The following CA10 variants were observed in gnomAD, a reference collection of about 807,000 sequenced individuals.
CA10 encodes the protein carbonic anhydrase 10 (inactive).
A neutral mutation model predicts 44.2 loss-of-function variants in CA10; 14 were observed. The ratio of observed to expected loss-of-function variants is 0.32; its 90% CI spans 0.21 to 0.50. CA10 has a LOEUF of 0.50. Among genes scored for constraint, CA10 ranks in the 20% least tolerant of loss-of-function variants. The pLI, the probability that CA10 is intolerant of heterozygous loss-of-function variation, is 0.99. For missense variants in CA10, 350 were observed against 409.7 expected (o/e 0.85, Z 1.26); for synonymous variants, 159 against 141.6 (o/e 1.12, Z -0.87).
chr17:52,008,312 A>C (rs939108459), intron 2 of CA10, among the ~76,000 whole-genome samples: 1 of 151,890 alleles, frequency 6.6e-6, no homozygotes, highest in African/African-American at 2.4e-5. Context: ...GAGGAAACTG[A>C]AAGTAAATTT....
intron 2 of CA10, among the ~76,000 whole-genome samples, chr17:51,946,624 T>C (rs143516090): frequency 2.0e-5 from 3 of 152,138 alleles, no homozygotes; most frequent in African/African-American, 7.2e-5. Flanking sequence ...GCATGCCTAC[T>C]CATTCAAATC....
At chr17:51,859,160 A>G (rs75322844) in intron 3 of CA10, among the ~76,000 whole-genome samples, 425 of 152,282 alleles carry the variant, frequency 2.8e-3, no homozygotes, top group Non-Finnish European at 4.0e-3. Flanking sequence ...TCTCTTCTAC[A>G]TCAGGGCAGA....
At chr17:52,142,073 C>T (rs1248484790) in intron 1 of CA10, among the ~76,000 whole-genome samples, 1 of 152,134 alleles carries the variant, frequency 6.6e-6, no homozygotes, top group Non-Finnish European at 1.5e-5. Context: ...TATGAGTAAG[C>T]CATGTAGGAT....
intron 4 of CA10, among the ~76,000 whole-genome samples, chr17:51,700,126 C>G (rs1915543001): frequency 6.6e-6 from 1 of 152,056 alleles, no homozygotes; most frequent in Admixed American, 6.6e-5. Flanking sequence ...ACTGGGAATC[C>G]CAGCTCTGCC....
In CA10 at chr17:51,884,416, G is replaced by A. The variant is rs77879207; in HGVS notation, c.279+46574C>T. Among the ~76,000 whole-genome samples the A allele has an allele frequency of 2.9e-4, 44 of 152,236 alleles. No homozygotes were observed. The East Asian group carries it at 5.0e-3, about 17-fold the overall frequency. On this transcript the variant is annotated intron_variant, in intron 3 of 8. Coordinates refer to ENST00000451037, the MANE Select transcript of CA10 (RefSeq NM_020178.5). ...CCAGCCTCCAAGCTTTCTCTAGAAC[G>A]GGTTGTCTTGAGATCTTTGCATCTG...
At chr17:52,015,927 T>C (rs1039332349) in intron 2 of CA10, among the ~76,000 whole-genome samples, 13 of 151,980 alleles carry the variant, frequency 8.6e-5, no homozygotes, top group African/African-American at 1.2e-4. Flanking sequence ...GGGAGGATCA[T>C]TTTTAGAATG....
intron 3 of CA10, among the ~76,000 whole-genome samples, chr17:51,849,215 ATATACATATATGTGTGTG>A (rs1978661778): frequency 1.1e-4 from 6 of 52,996 alleles, no homozygotes; most frequent in Admixed American, 5.9e-4. Flanking sequence ...GTATATATAT[ATATACATATATGTGTGTG>A]TATATATATA....
chr17:52,102,048 T>C (rs73987417), intron 1 of CA10, among the ~76,000 whole-genome samples: 291 of 152,302 alleles, frequency 1.9e-3, no homozygotes, highest in African/African-American at 6.7e-3. Context: ...ACATTGTTGC[T>C]CTCCAAAGTC....
chr17:51,800,873 T>A (rs1401975659), intron 3 of CA10, among the ~76,000 whole-genome samples: 2 of 152,280 alleles, frequency 1.3e-5, no homozygotes, highest in African/African-American at 4.8e-5. Flanking sequence ...TTTGGGGGTA[T>A]CCACCTTTGA....
chr17:51,830,154 G>A (rs760955553), intron 3 of CA10, among the ~76,000 whole-genome samples: 9 of 135,306 alleles, frequency 6.7e-5, no homozygotes, highest in Non-Finnish European at 1.1e-4. Flanking sequence ...CTGAGATTGC[G>A]CCACTGTACT....
Position 52,067,411 on chromosome 17 carries a change from C to T in CA10, c.136+4908G>A, listed in dbSNP as rs114873743. ...GAACCTCTGCCCAGATTTTGGATGA[C>T]GTAGGGAAACACCTGAATGTCCAGG... On this transcript the variant is annotated intron_variant, in intron 2 of 8. Coordinates refer to ENST00000451037, the MANE Select transcript of CA10 (RefSeq NM_020178.5). Among the ~76,000 whole-genome samples the T allele has an allele frequency of 9.2e-3, 1,407 of 152,348 alleles. 23 individuals are homozygous for T. Among genetic ancestry groups the T allele is most frequent in the African/African-American group, 0.031 (1,301 of 41,580 alleles).
At chr17:51,875,839 T>G (rs1356632845) in intron 3 of CA10, among the ~76,000 whole-genome samples, 2 of 152,202 alleles carry the variant, frequency 1.3e-5, no homozygotes, top group Non-Finnish European at 2.9e-5. Flanking sequence ...CTGACACTTC[T>G]TACTCCTGGA....
intron 1 of CA10, among the ~76,000 whole-genome samples, chr17:52,106,586 T>C (rs1001664268): frequency 2.0e-5 from 3 of 152,070 alleles, no homozygotes; most frequent in African/African-American, 4.8e-5. Context: ...GCCCTGACAA[T>C]GATGGAATAG....
intron 1 of CA10, among the ~76,000 whole-genome samples, chr17:52,083,658 G>C (rs1292152951): frequency 1.3e-5 from 2 of 151,212 alleles, no homozygotes; most frequent in Admixed American, 6.6e-5. Context: ...ATAAGTATTT[G>C]TGATATTTGA....
At chr17:52,014,183 A>T (rs1056361257) in intron 2 of CA10, among the ~76,000 whole-genome samples, 6 of 151,962 alleles carry the variant, frequency 3.9e-5, no homozygotes, top group Non-Finnish European at 8.8e-5. Flanking sequence ...AAAAATTATA[A>T]ATTCTTATGA....
intron 2 of CA10, among the ~76,000 whole-genome samples, chr17:52,030,742 A>G (rs2144172397): frequency 6.6e-6 from 1 of 152,254 alleles, no homozygotes; most frequent in East Asian, 1.9e-4. Flanking sequence ...AAATGTGTCA[A>G]TCTATCTGCT....
chr17:51,691,857 T>G (rs1469674236), intron 4 of CA10, among the ~76,000 whole-genome samples: 1 of 152,318 alleles, frequency 6.6e-6, no homozygotes, highest in East Asian at 1.9e-4. Context: ...CTTGACACCT[T>G]TGTCACCCTT....
intron 2 of CA10, among the ~76,000 whole-genome samples, chr17:52,027,114 G>T (rs1567707937): frequency 6.6e-6 from 1 of 152,032 alleles, no homozygotes; most frequent in Non-Finnish European, 1.5e-5. Flanking sequence ...GATAGTGACA[G>T]GTCATCAGGC....
At chr17:51,893,911 CA>C (rs985081439) in intron 3 of CA10, among the ~76,000 whole-genome samples, 4 of 152,008 alleles carry the variant, frequency 2.6e-5, no homozygotes, top group African/African-American at 9.7e-5. Flanking sequence ...TTACAATTTA[CA>C]AAAACACATA....
Sources: gnomAD v4.1 joint callset for allele counts (sites outside exome capture counted in the v4.1 genomes callset) on GRCh38, gnomAD v4.1.1 for gene constraint, MANE v1.5 for transcripts, NCBI Gene and HGNC (gene_info 2026-07-23, HGNC 2026-07-21) for gene names.